Variants in IMMP2L observed in about 807,000 individuals in gnomAD.
The protein encoded by IMMP2L is mitochondrial inner membrane protease subunit 2.
A neutral mutation model predicts 19.3 loss-of-function variants in IMMP2L; 18 were observed. The ratio of observed to expected loss-of-function variants is 0.93; its 90% CI spans 0.64 to 1.38. The LOEUF is 1.38. Ranked by LOEUF, IMMP2L falls within the 40% of genes most tolerant of loss-of-function variation. The pLI is 0.00. For missense variants in IMMP2L, 233 were observed against 218.2 expected (o/e 1.07, Z -0.43); for synonymous variants, 76 against 73.0 (o/e 1.04, Z -0.21).
intron 3 of IMMP2L, among the ~76,000 whole-genome samples, chr7:111,107,688 T>G (rs562905617): frequency 6.6e-6 from 1 of 152,136 alleles, no homozygotes; most frequent in African/African-American, 2.4e-5. Flanking sequence ...TTTCATGCTC[T>G]GATTAAATGT....
chr7:110,765,280 A>C lies in IMMP2L; in HGVS notation c.409-101559T>G, dbSNP rs115764348. Among the ~76,000 whole-genome samples the C allele has an allele frequency of 6.7e-3, 1,025 of 152,276 alleles. 12 individuals are homozygous for C. The highest frequency in any genetic ancestry group is 0.023 in the African/African-American group (965 of 41,576). On this transcript the variant is annotated intron_variant, in intron 5 of 5. Transcript: ENST00000405709. ...AGGTTAATGGTGAATAGAAGTTTCC[A>C]ACCATAAACATTATCATAGGAAATT...
intron 5 of IMMP2L, among the ~76,000 whole-genome samples, chr7:110,812,374 G>T (rs1290709081): frequency 1.1e-4 from 17 of 152,028 alleles, no homozygotes; most frequent in Non-Finnish European, 1.5e-5. Flanking sequence ...GGCACCTCAG[G>T]AGTGACACAG....
intron 3 of IMMP2L, among the ~76,000 whole-genome samples, chr7:111,163,761 G>A (rs1268737814): frequency 6.6e-6 from 1 of 152,030 alleles, no homozygotes; most frequent in Non-Finnish European, 1.5e-5. Context: ...GACTCTCCAA[G>A]GGAAGGTTTT....
At chr7:110,821,233 A>G (rs1802999673) in intron 5 of IMMP2L, among the ~76,000 whole-genome samples, 1 of 152,090 alleles carries the variant, frequency 6.6e-6, no homozygotes. Context: ...AAAATCAAAG[A>G]GATAGTCAAC....
At chr7:111,031,602 AATG>A (rs1790830715) in intron 3 of IMMP2L, among the ~76,000 whole-genome samples, 1 of 152,198 alleles carries the variant, frequency 6.6e-6, no homozygotes, top group Admixed American at 6.5e-5. Flanking sequence ...TACATAAATG[AATG>A]AAGATAAAGA....
intron 3 of IMMP2L, among the ~76,000 whole-genome samples, chr7:111,250,341 A>G (rs1815949788): frequency 6.6e-6 from 1 of 152,180 alleles, no homozygotes. Context: ...AAAGTAATTT[A>G]TAGATTCAAT....
intron 2 of IMMP2L, among the ~76,000 whole-genome samples, chr7:111,496,223 T>C (rs1017152753): frequency 6.6e-6 from 1 of 152,106 alleles, no homozygotes; most frequent in Non-Finnish European, 1.5e-5. Context: ...TCTCCATAAT[T>C]TGCATGGCTT....
At position 110,742,713 on chromosome 7, in the gene IMMP2L, G is replaced by A. The variant is rs576386872; in HGVS notation, c.409-78992C>T. Among the ~76,000 whole-genome samples the A allele has an allele frequency of 1.4e-4, 21 of 148,642 alleles. No homozygotes were observed. The South Asian group carries it at 2.3e-3, about 17-fold the overall frequency. On this transcript the variant is annotated intron_variant, in intron 5 of 5. Transcript: ENST00000405709. ...AACTGGGAGGCAGAGGTTGCAGTGC[G>A]CCAGAGATCACACCACTGCACTCCA...
intron 3 of IMMP2L, among the ~76,000 whole-genome samples, chr7:111,200,557 T>C (rs1388103306): frequency 2.0e-5 from 3 of 151,912 alleles, no homozygotes; most frequent in East Asian, 1.9e-4. Flanking sequence ...CATTTAAAAA[T>C]TGAGGAAGGT....
chr7:110,742,165 A>T (rs1797029594), intron 5 of IMMP2L, among the ~76,000 whole-genome samples: 1 of 152,258 alleles, frequency 6.6e-6, no homozygotes, highest in African/African-American at 2.4e-5. Flanking sequence ...ATTAGTAAGT[A>T]TTAGTTACAT....
At chr7:111,139,802 T>C (rs371447692) in intron 3 of IMMP2L, among the ~76,000 whole-genome samples, 5 of 152,280 alleles carry the variant, frequency 3.3e-5, no homozygotes, top group African/African-American at 1.2e-4. Flanking sequence ...CCTATTAAAA[T>C]GTATTTTGCT....
chr7:111,037,806 G>T (rs1318098978), intron 3 of IMMP2L, among the ~76,000 whole-genome samples: 1 of 152,076 alleles, frequency 6.6e-6, no homozygotes, highest in Non-Finnish European at 1.5e-5. Flanking sequence ...CTAATAAAAG[G>T]CATAATGAAA....
At chr7:111,111,931 A>T (rs1316328531) in intron 3 of IMMP2L, among the ~76,000 whole-genome samples, 11 of 143,562 alleles carry the variant, frequency 7.7e-5, no homozygotes, top group African/African-American at 2.6e-4. Flanking sequence ...TTATATATAT[A>T]TATATAGTTT....
intron 3 of IMMP2L, among the ~76,000 whole-genome samples, chr7:111,315,323 AT>A (rs904158779): frequency 6.6e-6 from 1 of 152,046 alleles, no homozygotes; most frequent in Non-Finnish European, 1.5e-5. Flanking sequence ...AGAAACTAGT[AT>A]TTCCTCAGGA....
At position 111,401,511 on chromosome 7, in the gene IMMP2L, T is replaced by C. The variant is rs374861915; in HGVS notation, c.239+85727A>G. ...ATTAAAACTGCAGTTCTAATACCTT[T>C]CCAAATTTCAATGTACTTCTTTGAA... is the stretch of plus-strand genomic sequence containing the variant. On this transcript the variant is annotated intron_variant, in intron 3 of 5. Coordinates refer to ENST00000405709, the MANE Select transcript of IMMP2L (RefSeq NM_032549.4). Among the ~76,000 whole-genome samples, 103 of 152,254 alleles carry C rather than the reference T, an allele frequency of 6.8e-4. 3 individuals are homozygous for C. In the South Asian group the frequency reaches 0.019, roughly 28 times the overall value.
At chr7:110,811,865 G>A (rs947647242) in intron 5 of IMMP2L, among the ~76,000 whole-genome samples, 3 of 151,832 alleles carry the variant, frequency 2.0e-5, no homozygotes, top group Admixed American at 6.6e-5. Context: ...GGCTTAAGAG[G>A]GGCCCACCTA....
chr7:111,467,466 A>G (rs1315369412), intron 3 of IMMP2L, among the ~76,000 whole-genome samples: 2 of 152,150 alleles, frequency 1.3e-5, no homozygotes, highest in Non-Finnish European at 2.9e-5. Flanking sequence ...TGTGAGTCAC[A>G]CTGCTCATAC....
chr7:110,814,163 G>T (rs1472500860), intron 5 of IMMP2L, among the ~76,000 whole-genome samples: 1 of 151,896 alleles, frequency 6.6e-6, no homozygotes, highest in Non-Finnish European at 1.5e-5. Context: ...AGTTCTAAAC[G>T]CATAGTCAAG....
At chr7:111,081,949 T>C (rs1042048993) in intron 3 of IMMP2L, among the ~76,000 whole-genome samples, 1 of 152,214 alleles carries the variant, frequency 6.6e-6, no homozygotes, top group African/African-American at 2.4e-5. Flanking sequence ...TAGGAGCTGC[T>C]TTCTTTGCTG....
Sources: gnomAD v4.1 joint callset for allele counts (sites outside exome capture counted in the v4.1 genomes callset) on GRCh38, gnomAD v4.1.1 for gene constraint, MANE v1.5 for transcripts, NCBI Gene and HGNC (gene_info 2026-07-23, HGNC 2026-07-21) for gene names.